Variants in KLKB1 observed in about 807,000 individuals in gnomAD.
KLKB1 encodes kallikrein B1, also known as plasma kallikrein.
In KLKB1, 58 loss-of-function variants were observed where a neutral mutation model predicts 73.6. The observed-to-expected ratio is 0.79, with a 90% CI of 0.64 to 0.98. The LOEUF (loss-of-function observed/expected upper bound fraction) is 0.98. KLKB1 is among the 50% of genes least tolerant of loss of function. KLKB1 has a pLI of 0.00. For missense variants in KLKB1, 737 were observed against 763.8 expected (o/e 0.96, Z 0.41); for synonymous variants, 280 against 258.1 (o/e 1.08, Z -0.81).
At chr4:186,256,173 C>T in intron 13 of KLKB1, 86 bp downstream of exon 13, 4 of 795,074 alleles carry the variant, frequency 5.0e-6, no homozygotes, top group South Asian at 4.2e-5. Context: ...CGGTTTCTGT[C>T]TGAAATTATA....
At chr4:186,235,881 C>T (rs1465538088) in intron 4 of KLKB1, among the ~76,000 whole-genome samples, 18 of 150,234 alleles carry the variant, frequency 1.2e-4, no homozygotes, top group African/African-American at 3.2e-4. Context: ...TTTGGGAGGC[C>T]GAGACGGGCG....
chr4:186,216,998 G>A (rs375958709), intron 2 of KLKB1, among the ~76,000 whole-genome samples: 4 of 152,166 alleles, frequency 2.6e-5, no homozygotes, highest in Non-Finnish European at 5.9e-5. Context: ...GTGATATCTC[G>A]TTTTATTCAC....
Position 186,258,270 on chromosome 4 carries a change from C to G in KLKB1, c.*58C>G. 2.1e-6 allele frequency: 3 copies of G among 1,423,024 alleles called. No homozygotes were observed. In the South Asian group the frequency reaches 3.6e-5, roughly 17 times the overall value. The allele number at this position is 1,423,024 out of a possible 1,614,324, so 88.1% of individuals were successfully genotyped here. On this transcript the variant is annotated 3_prime_UTR_variant, in exon 15 of 15. Coordinates refer to ENST00000264690, the MANE Select transcript of KLKB1 (RefSeq NM_000892.5). Reference sequence around the variant, plus strand: ...CCTGAGTTCAAGTCAAATTCTGAGCCTGGGGGGTCCTCATCTGCAAAGCAT... The same window carrying G: ...CCTGAGTTCAAGTCAAATTCTGAGCGTGGGGGGTCCTCATCTGCAAAGCAT...
intron 11 of KLKB1, 64 bp downstream of exon 11, chr4:186,252,249 T>C: frequency 1.3e-6 from 2 of 1,508,150 alleles, no homozygotes; most frequent in South Asian, 2.3e-5. Flanking sequence ...GGATCTATGA[T>C]CAGCTGCTTC....
At chr4:186,248,021 G>A (rs1738470965) in intron 6 of KLKB1, among the ~76,000 whole-genome samples, 1 of 152,148 alleles carries the variant, frequency 6.6e-6, no homozygotes, top group Non-Finnish European at 1.5e-5. Flanking sequence ...GCCGAGGCGG[G>A]CGGATCACGG....
chr4:186,238,443 T>C, intron 6 of KLKB1, 78 bp downstream of exon 6: 2 of 971,114 alleles, frequency 2.1e-6, no homozygotes, highest in Non-Finnish European at 3.4e-6. Flanking sequence ...TGCTGAGCCC[T>C]GGGACCTGTG....
intron 2 of KLKB1, among the ~76,000 whole-genome samples, chr4:186,231,185 T>C (rs1222227376): frequency 1.3e-5 from 2 of 152,214 alleles, no homozygotes; most frequent in Non-Finnish European, 2.9e-5. Context: ...AGGTACTATT[T>C]AAATTGAAGA....
chr4:186,213,833 C>T lies in KLKB1; in HGVS notation c.201+4561C>T, dbSNP rs144225023. On this transcript the variant is annotated intron_variant, in intron 2 of 14. Coordinates refer to the KLKB1 transcript ENST00000511608. ...AAGATCAAAACCTTTTTCCTTCCAG[C>T]ATCTAATGCCTGAGTGATACATTTA... Among the ~76,000 whole-genome samples the T allele has an allele frequency of 2.4e-3, 366 of 152,294 alleles. 2 individuals are homozygous for T. Among genetic ancestry groups the T allele is most frequent in the African/African-American group, 8.0e-3 (333 of 41,566 alleles).
intron 4 of KLKB1, among the ~76,000 whole-genome samples, chr4:186,235,428 CCGTATGAACA>C (rs1321761990): frequency 2.6e-5 from 4 of 152,128 alleles, no homozygotes; most frequent in African/African-American, 7.2e-5. Context: ...TTTAGAGCTT[CCGTATGAACA>C]CTTAAAGAGT....
At chr4:186,232,051 G>A (rs983928348) in intron 2 of KLKB1, 76 bp from the exon 3 acceptor site, 16 of 1,253,634 alleles carry the variant, frequency 1.3e-5, no homozygotes, top group Admixed American at 8.4e-5. Flanking sequence ...AGTGGGAGAA[G>A]TTAAGACAAC....
intron 12 of KLKB1, among the ~76,000 whole-genome samples, chr4:186,255,299 A>G (rs1186937172): frequency 6.6e-6 from 1 of 152,158 alleles, no homozygotes; most frequent in Non-Finnish European, 1.5e-5. Flanking sequence ...GGTGGCTCAC[A>G]CCTGTAATCC....
chr4:186,242,166 T>C (rs1271279842), intron 6 of KLKB1, among the ~76,000 whole-genome samples: 1 of 151,462 alleles, frequency 6.6e-6, no homozygotes, highest in East Asian at 1.9e-4. Flanking sequence ...GGTCACAAGG[T>C]GCTCAGTGGG....
At chr4:186,250,448 G>A in intron 7 of KLKB1, 46 bp downstream of exon 7, 2 of 1,592,464 alleles carry the variant, frequency 1.3e-6, no homozygotes, top group Non-Finnish European at 8.6e-7. Flanking sequence ...GTATGCATGG[G>A]GAGCACTTGC....
At chr4:186,252,232 T>C (rs761080644) in intron 11 of KLKB1, 47 bp downstream of exon 11, 1 of 1,582,632 alleles carries the variant, frequency 6.3e-7, no homozygotes, top group South Asian at 1.1e-5. Context: ...TGGCTTTTCA[T>C]TTTGAAGGAT....
At chr4:186,238,396 G>A (rs765556922) in intron 6 of KLKB1, 31 bp downstream of exon 6, 6 of 1,461,852 alleles carry the variant, frequency 4.1e-6, no homozygotes, top group Non-Finnish European at 5.8e-6. Flanking sequence ...CTTTGTGATT[G>A]TGGTAGGTGG....
At position 186,255,999 on chromosome 4, in the gene KLKB1, A is replaced by C; in HGVS notation, c.1497A>C (p.Gln499His). 1 of 1,607,508 alleles carries C rather than the reference A, an allele frequency of 6.2e-7. No homozygotes were observed. Among genetic ancestry groups the C allele is most frequent in the South Asian group, 1.1e-5 (1 of 90,952 alleles). Residue 499 changes from glutamine to histidine, a missense_variant, in exon 13 of 15, where the codon CAA becomes CAC. Physicochemically the swap from Gln to His is conservative, Grantham distance 24 (BLOSUM62 0). Coordinates refer to ENST00000264690, the MANE Select transcript of KLKB1 (RefSeq NM_000892.5). ...LQAPLNYTEF[Q>H]KPICLPSKGD... ...TTAAAAATTATGTTTCAGAATTCCA[A>C]AAACCAATATGCCTACCTTCCAAAG...
In KLKB1 at chr4:186,232,161, C is replaced by G; in HGVS notation, c.93C>G (p.Phe31Leu). Residue 31 changes from phenylalanine to leucine, a missense_variant, in exon 3 of 15, where the codon TTC becomes TTG. Phe to Leu is a conservative substitution (Grantham distance 22, BLOSUM62 0). Coordinates refer to ENST00000264690, the MANE Select transcript of KLKB1 (RefSeq NM_000892.5). ...CTCAACTCTATGAAAACGCCTTCTT[C>G]AGAGGTGGGGATGTAGCTTCCATGT... The part of the protein sequence containing the change: ...CLTQLYENAF[F>L]RGGDVASMYT... The G allele has an allele frequency of 1.9e-6, 3 of 1,613,718 alleles. No individual in the cohort carries two copies. Among genetic ancestry groups the G allele is most frequent in the Non-Finnish European group, 2.5e-6 (3 of 1,179,738 alleles).
At chr4:186,230,224 A>C (rs1391617943) in intron 2 of KLKB1, among the ~76,000 whole-genome samples, 1 of 152,206 alleles carries the variant, frequency 6.6e-6, no homozygotes, top group Non-Finnish European at 1.5e-5. Context: ...CCAGTATACA[A>C]ACACTGGTTA....
At chr4:186,256,369 C>T (rs936423429) in intron 13 of KLKB1, among the ~76,000 whole-genome samples, 5 of 152,216 alleles carry the variant, frequency 3.3e-5, no homozygotes, top group South Asian at 2.1e-4. Context: ...CTGACAAGCC[C>T]GTGCAAGACC....
Sources: gnomAD v4.1 joint callset for allele counts (sites outside exome capture counted in the v4.1 genomes callset) on GRCh38, gnomAD v4.1.1 for gene constraint, MANE v1.5 for transcripts, NCBI Gene and HGNC (gene_info 2026-07-23, HGNC 2026-07-21) for gene names.